MIB1: variants seen among roughly 807,000 people sequenced by gnomAD.
The protein encoded by MIB1 is E3 ubiquitin-protein ligase MIB1.
In MIB1, 278 loss-of-function variants were observed where a neutral mutation model predicts 124.5. The ratio of observed to expected loss-of-function variants is 2.23; its 90% CI spans 2.02 to 2.47. MIB1 has a LOEUF of 2.47. MIB1 is among the 30% of genes most tolerant of loss of function. The probability of loss-of-function intolerance (pLI) is 0.00; values close to 1 mark genes in which losing one functional copy is unlikely to be tolerated. For missense variants in MIB1, 957 were observed against 1,254.4 expected (o/e 0.76, Z 3.58); for synonymous variants, 446 against 429.4 (o/e 1.04, Z -0.48).
intron 1 of MIB1, among the ~76,000 whole-genome samples, chr18:21,724,691 C>G (rs1598580583): frequency 1.1e-5 from 1 of 89,616 alleles, no homozygotes; most frequent in Non-Finnish European, 2.0e-5. Context: ...GGCGACAGAG[C>G]AAAACTCTGT....
intron 4 of MIB1, among the ~76,000 whole-genome samples, chr18:21,777,628 C>T (rs1031678524): frequency 9.2e-5 from 14 of 152,090 alleles, no homozygotes; most frequent in African/African-American, 3.4e-4. Flanking sequence ...GACCTCAGCT[C>T]ACTGCAACCT....
At chr18:21,794,519 A>T (rs990892961) in intron 7 of MIB1, among the ~76,000 whole-genome samples, 13 of 152,230 alleles carry the variant, frequency 8.5e-5, no homozygotes, top group African/African-American at 2.9e-4. Flanking sequence ...AATAAATGAA[A>T]TGAAACAAAT....
chr18:21,810,643 C>G (rs1352288999), intron 10 of MIB1, among the ~76,000 whole-genome samples: 1 of 151,558 alleles, frequency 6.6e-6, no homozygotes, highest in Non-Finnish European at 1.5e-5. Context: ...AAAGAGCAAT[C>G]TTTTAAACAA....
At position 21,860,098 on chromosome 18, in the gene MIB1, C is replaced by CTT. The variant is rs398032096; in HGVS notation, c.2880+1478_2880+1479dup. 4.6e-3 allele frequency among the ~76,000 whole-genome samples: 123 copies of CTT among 26,454 alleles called. 31 individuals are homozygous for CTT. The highest frequency in any genetic ancestry group is 0.014 in the African/African-American group (118 of 8,206). The allele number at this position is 26,454 out of a possible 152,430, so 17.4% of individuals were successfully genotyped here. On this transcript the variant is annotated intron_variant, in intron 20 of 20. Coordinates refer to ENST00000261537, the MANE Select transcript of MIB1 (RefSeq NM_020774.4). ...GTGTTGGTTATGTTGTTCTTTATGT[C>CTT]TTTTTTTTTTTTTTTTTTTTTTTTT...
At chr18:21,858,508 C>A in intron 19 of MIB1, 38 bp from the exon 20 acceptor site, 2 of 884,932 alleles carry the variant, frequency 2.3e-6, no homozygotes, top group Non-Finnish European at 1.8e-6. Context: ...TCTGTCAAAG[C>A]AATAATAACT....
At chr18:21,789,409 C>T (rs1410133598) in intron 6 of MIB1, among the ~76,000 whole-genome samples, 1 of 151,976 alleles carries the variant, frequency 6.6e-6, no homozygotes, top group Non-Finnish European at 1.5e-5. Flanking sequence ...TGTAAAGTCC[C>T]TGTTTACAAA....
At chr18:21,776,669 G>C (rs1382188661) in intron 4 of MIB1, among the ~76,000 whole-genome samples, 1 of 152,094 alleles carries the variant, frequency 6.6e-6, no homozygotes, top group Non-Finnish European at 1.5e-5. Flanking sequence ...AGTTAACCAG[G>C]TTATGGCGAA....
chr18:21,820,599 A>G (rs936522640), intron 12 of MIB1, among the ~76,000 whole-genome samples: 4 of 152,174 alleles, frequency 2.6e-5, no homozygotes, highest in African/African-American at 9.7e-5. Flanking sequence ...CCAAATTGCA[A>G]ATATTTGAAC....
Position 21,853,160 on chromosome 18 carries a change from C to T in MIB1, c.2607C>T (p.Cys869=). The change falls in exon 18 of 21, where the codon TGC becomes TGT. Residue 869 remains cysteine (C), a synonymous_variant. Coordinates refer to ENST00000261537, the MANE Select transcript of MIB1 (RefSeq NM_020774.4). ...SRTKIEECVV[C]SDKKAAVLFQ... The stretch of plus-strand genomic sequence containing the variant: ...TATAGATTGAAGAATGTGTGGTATG[C>T]TCTGACAAGAAAGCAGCTGTTCTTT... 1.2e-6 allele frequency: 2 copies of T among 1,613,044 alleles called. No individual in the cohort carries two copies. The highest frequency in any genetic ancestry group is 2.2e-5 in the South Asian group (2 of 91,054).
intron 1 of MIB1, among the ~76,000 whole-genome samples, chr18:21,762,547 ATG>A (rs1439340546): frequency 6.6e-6 from 1 of 152,196 alleles, no homozygotes; most frequent in African/African-American, 2.4e-5. Flanking sequence ...GGATGTGCTG[ATG>A]GGATTAGCCT....
intron 1 of MIB1, among the ~76,000 whole-genome samples, chr18:21,707,728 A>G (rs1366645888): frequency 6.6e-6 from 1 of 152,142 alleles, no homozygotes; most frequent in Non-Finnish European, 1.5e-5. Context: ...GAGACCAAGA[A>G]CCCACTAATT....
chr18:21,820,812 GA>G (rs2041871498), intron 12 of MIB1, among the ~76,000 whole-genome samples: 1 of 152,172 alleles, frequency 6.6e-6, no homozygotes, highest in African/African-American at 2.4e-5. Context: ...TTATAGAGAT[GA>G]ATTTAATTAT....
intron 1 of MIB1, among the ~76,000 whole-genome samples, chr18:21,763,124 C>T (rs936361397): frequency 1.1e-4 from 16 of 151,398 alleles, no homozygotes; most frequent in Non-Finnish European, 1.6e-4. Context: ...ACAATTTAGC[C>T]TCACAATGTC....
In MIB1 at chr18:21,765,030, A is replaced by T. The variant is rs1377221064; in HGVS notation, c.230-742A>T. Among the ~76,000 whole-genome samples the T allele has an allele frequency of 7.9e-5, 12 of 152,176 alleles. 1 individual carries two copies. The highest frequency in any genetic ancestry group is 7.9e-4 in the Admixed American group (12 of 15,278). On this transcript the variant is annotated intron_variant, in intron 1 of 20. Transcript: ENST00000261537. ...ATATTAATATAACAATAGAATAGTA[A>T]AGGAGTATTACCCCCAATTATTTCA...
intron 15 of MIB1, among the ~76,000 whole-genome samples, chr18:21,846,724 T>C (rs1291588192): frequency 6.6e-6 from 1 of 152,164 alleles, no homozygotes; most frequent in Non-Finnish European, 1.5e-5. Context: ...GTTTGGGCCA[T>C]GTTTGGTCCA....
chr18:21,724,727 A>ATATATAT (rs1555685678), intron 1 of MIB1, among the ~76,000 whole-genome samples: 9 of 17,368 alleles, frequency 5.2e-4, no homozygotes, highest in Non-Finnish European at 8.8e-4. Context: ...AAAAAAAAAA[A>ATATATAT]ATATATATAT....
rs776924209 is a variant in MIB1 at position 21,765,773 on chromosome 18, C to CA, written c.232dup (p.Ile78AsnfsTer4). The CA allele has an allele frequency of 6.2e-7, 1 of 1,613,260 alleles. No homozygotes were observed. The highest frequency in any genetic ancestry group is 8.5e-7 in the Non-Finnish European group (1 of 1,179,442). ...GAGCATGTGTCCTTGTTTTAATAGGCATCAAGCATGATGGAACCATGTGTG... is the reference window on the plus strand; with the variant it reads ...GAGCATGTGTCCTTGTTTTAATAGGCAATCAAGCATGATGGAACCATGTGTG... On this transcript the variant is annotated frameshift_variant and splice_region_variant, in exon 2 of 21. Coordinates refer to ENST00000261537, the MANE Select transcript of MIB1 (RefSeq NM_020774.4). LOFTEE classifies it high-confidence loss of function.
chr18:21,735,329 C>G lies in MIB1; in HGVS notation n.167+30206C>G, dbSNP rs116037139. ...AGACTGTACTGGGAGGAACGGGGTA[C>G]TCCGGATCAGATACTGTGCTTTTCC... On this transcript the variant is annotated intron_variant and non_coding_transcript_variant, in intron 1 of 20. Coordinates refer to the MIB1 transcript ENST00000578646. Among the ~76,000 whole-genome samples the G allele has an allele frequency of 9.8e-3, 1,500 of 152,298 alleles. 23 individuals carry two copies. The highest frequency in any genetic ancestry group is 0.033 in the African/African-American group (1,382 of 41,556).
intron 20 of MIB1, among the ~76,000 whole-genome samples, chr18:21,862,729 G>C (rs1488493757): frequency 6.6e-6 from 1 of 152,122 alleles, no homozygotes; most frequent in Admixed American, 6.5e-5. Flanking sequence ...CAATCCCGCT[G>C]AGCCTCGTTT....
Sources: gnomAD v4.1 joint callset for allele counts (sites outside exome capture counted in the v4.1 genomes callset) on GRCh38, gnomAD v4.1.1 for gene constraint, MANE v1.5 for transcripts, NCBI Gene and HGNC (gene_info 2026-07-23, HGNC 2026-07-21) for gene names.